STOX1: variants seen among roughly 807,000 people sequenced by gnomAD.
STOX1 encodes storkhead-box protein 1.
A neutral mutation model predicts 74.8 loss-of-function variants in STOX1; 57 were observed. That is an observed-to-expected ratio of 0.76 (90% confidence interval 0.62 to 0.95). The LOEUF (loss-of-function observed/expected upper bound fraction) is 0.95. Ranked by LOEUF, STOX1 falls within the 40% of genes least tolerant of loss-of-function variation. The probability of loss-of-function intolerance (pLI) is 0.00; values close to 1 mark genes in which losing one functional copy is unlikely to be tolerated. For synonymous variants in STOX1, 375 were observed against 401.3 expected, an observed-to-expected ratio of 0.93 and a Z score of 0.78; for missense variants, 1,010 against 1,117.0, an observed-to-expected ratio of 0.90 and a Z score of 1.37.
intron 1 of STOX1, among the ~76,000 whole-genome samples, chr10:68,851,718 G>A (rs1403965318): frequency 4.6e-5 from 7 of 152,152 alleles, no homozygotes; most frequent in African/African-American, 1.7e-4. Flanking sequence ...GTGTGCACCT[G>A]TAATCCCAGT....
chr10:68,862,082 A>T (rs1840279794), intron 1 of STOX1, among the ~76,000 whole-genome samples: 1 of 152,066 alleles, frequency 6.6e-6, no homozygotes. Flanking sequence ...GCATAGTAGA[A>T]TTCTTTTGCC....
chr10:68,865,890 G>C (rs10823262), intron 1 of STOX1, among the ~76,000 whole-genome samples: 33,805 of 151,946 alleles, frequency 0.22, 4,331 homozygotes, highest in East Asian at 0.54. Flanking sequence ...AGCAGCCACT[G>C]TTCTATCCAT....
At position 68,882,123 on chromosome 10, in the gene STOX1, A is replaced by G. The variant is rs758070144; in HGVS notation, c.463+13A>G. On this transcript the variant is annotated intron_variant, in intron 2 of 3. Transcript: ENST00000298596. ...AAACATTACCCAGGTAGAGTAATAAATTTTTGTCTATTTGTACTTCACTGT... is the reference window on the plus strand; with the variant it reads ...AAACATTACCCAGGTAGAGTAATAAGTTTTTGTCTATTTGTACTTCACTGT... 6.2e-7 allele frequency: 1 copy of G among 1,612,738 alleles called. No individual in the cohort carries two copies.
intron 1 of STOX1, among the ~76,000 whole-genome samples, chr10:68,835,689 A>T: frequency 6.6e-6 from 1 of 152,106 alleles, no homozygotes; most frequent in Non-Finnish European, 1.5e-5. Flanking sequence ...TTACCTTCTC[A>T]TCGTATTATG....
At chr10:68,847,170 C>A (rs1220332581) in intron 1 of STOX1, among the ~76,000 whole-genome samples, 2 of 152,176 alleles carry the variant, frequency 1.3e-5, no homozygotes, top group Non-Finnish European at 2.9e-5. Flanking sequence ...TCAGTAGACT[C>A]ATTTAAATTC....
At chr10:68,881,190 A>G (rs779195496) in intron 1 of STOX1, among the ~76,000 whole-genome samples, 4 of 152,200 alleles carry the variant, frequency 2.6e-5, no homozygotes, top group African/African-American at 7.2e-5. Context: ...GCAGAATCCA[A>G]TACTCAACCT....
intron 3 of STOX1, among the ~76,000 whole-genome samples, chr10:68,889,336 G>A (rs1841044366): frequency 2.6e-5 from 4 of 152,176 alleles, no homozygotes; most frequent in Middle Eastern, 6.8e-3. Context: ...AGTGTAAAAC[G>A]TTTTTTTGTG....
chr10:68,843,671 C>A (rs987065471), intron 1 of STOX1, among the ~76,000 whole-genome samples: 3 of 152,052 alleles, frequency 2.0e-5, no homozygotes, highest in Non-Finnish European at 4.4e-5. Context: ...GATTTTCCTA[C>A]CTCAGCCTCC....
chr10:68,886,637 GTC>G lies in STOX1; in HGVS notation c.2822+21_2822+22del, dbSNP rs1564589602. 4 of 1,611,962 alleles carry G rather than the reference GTC, an allele frequency of 2.5e-6. No homozygotes were observed. Among genetic ancestry groups the G allele is most frequent in the Non-Finnish European group, 3.4e-6 (4 of 1,178,976 alleles). The stretch of plus-strand genomic sequence containing the variant: ...CTCCACGGTAGGTCCATACAAAAGT[GTC>G]TGATTTAGGCCGGGCGCAGTGGCTC... On this transcript the variant is annotated intron_variant, in intron 3 of 3. Transcript: ENST00000298596.
chr10:68,866,260 C>T (rs1564580376), intron 1 of STOX1, among the ~76,000 whole-genome samples: 1 of 152,108 alleles, frequency 6.6e-6, no homozygotes. Context: ...ACTTCAGGGG[C>T]TTTACCAACT....
chr10:68,883,837 C>T (rs186449810), intron 2 of STOX1, among the ~76,000 whole-genome samples: 8 of 143,032 alleles, frequency 5.6e-5, no homozygotes, highest in East Asian at 2.1e-4. Flanking sequence ...AATCATAGCT[C>T]ACTGCAGCCT....
At chr10:68,888,461 C>T (rs1841018678) in intron 3 of STOX1, among the ~76,000 whole-genome samples, 1 of 152,116 alleles carries the variant, frequency 6.6e-6, no homozygotes. Context: ...TATAACACTT[C>T]AGTCCAAATG....
intron 1 of STOX1, among the ~76,000 whole-genome samples, chr10:68,843,748 A>C (rs1268312954): frequency 2.0e-5 from 3 of 152,060 alleles, no homozygotes; most frequent in African/African-American, 7.2e-5. Flanking sequence ...AAGTAGAGAC[A>C]GAGTTTCACC....
At chr10:68,859,383 T>C (rs1413799011) in intron 1 of STOX1, among the ~76,000 whole-genome samples, 1 of 152,124 alleles carries the variant, frequency 6.6e-6, no homozygotes. Flanking sequence ...CCTATCACTA[T>C]CTTATCAGTA....
At position 68,850,754 on chromosome 10, in the gene STOX1, A is replaced by G. The variant is rs574872057; in HGVS notation, c.310+22821A>G. Among the ~76,000 whole-genome samples, 20 of 152,278 alleles carry G rather than the reference A, an allele frequency of 1.3e-4. No homozygotes were observed. The South Asian group carries it at 4.1e-3, about 32-fold the overall frequency. ...TGGGAGGCCAAGGCAGGTGGATTGC[A>G]TGAGCTCAGGAGTTCAAGACCAGCC... On this transcript the variant is annotated intron_variant, in intron 1 of 3. Coordinates refer to ENST00000298596, the MANE Select transcript of STOX1 (RefSeq NM_152709.5).
intron 1 of STOX1, among the ~76,000 whole-genome samples, chr10:68,864,090 AT>A (rs1015987992): frequency 2.6e-5 from 4 of 151,914 alleles, no homozygotes; most frequent in Non-Finnish European, 5.9e-5. Context: ...GCACCAGCTA[AT>A]TTTTTTGTAT....
At chr10:68,862,649 A>G (rs1192248009) in intron 1 of STOX1, among the ~76,000 whole-genome samples, 2 of 152,048 alleles carry the variant, frequency 1.3e-5, no homozygotes, top group African/African-American at 4.8e-5. Context: ...ATGTTTCCAG[A>G]TAATAGGAAC....
intron 1 of STOX1, among the ~76,000 whole-genome samples, chr10:68,872,952 TA>T (rs1840570803): frequency 6.6e-6 from 1 of 152,042 alleles, no homozygotes; most frequent in Non-Finnish European, 1.5e-5. Flanking sequence ...CAGTTTTTAT[TA>T]AAACTTTAAT....
chr10:68,885,468 A>C lies in STOX1; in HGVS notation c.1672A>C (p.Lys558Gln), dbSNP rs776577919. 1 of 1,614,218 alleles carries C rather than the reference A, an allele frequency of 6.2e-7. No individual in the cohort carries two copies. The highest frequency in any genetic ancestry group is 8.5e-7 in the Non-Finnish European group (1 of 1,180,034). ...GCCATATGCTGAACAACCTAATGAT[A>C]AAATGGAAGCAGAATCCATTTACAT... ...KEPYAEQPNDKMEAESIYIND... is the reference protein window; with the variant it reads ...KEPYAEQPNDQMEAESIYIND... Residue 558 changes from lysine to glutamine, a missense_variant, in exon 3 of 4, where the codon AAA (lysine) becomes CAA (glutamine). Lys to Gln is a moderately conservative substitution (Grantham distance 53). Coordinates refer to ENST00000298596, the MANE Select transcript of STOX1 (RefSeq NM_152709.5).
Sources: allele counts gnomAD v4.1 joint callset (sites outside exome capture counted in the v4.1 genomes callset), GRCh38; gene constraint gnomAD v4.1.1; transcripts MANE v1.5; gene names NCBI Gene and HGNC (gene_info 2026-07-23, HGNC 2026-07-21).